Variants in FBLN1 observed in about 807,000 individuals in gnomAD.
The protein encoded by FBLN1 is fibulin-1.
A neutral mutation model predicts 89.7 loss-of-function variants in FBLN1; 34 were observed. The observed-to-expected ratio is 0.38, with a 90% confidence interval of 0.29 to 0.50. The LOEUF (loss-of-function observed/expected upper bound fraction) is 0.50. FBLN1 is among the 20% of genes least tolerant of loss of function. The probability of loss-of-function intolerance (pLI) is 0.92; values close to 1 mark genes in which losing one functional copy is unlikely to be tolerated. For missense variants in FBLN1, 777 were observed against 988.1 expected, an observed-to-expected ratio of 0.79 and a Z score of 2.86; for synonymous variants, 393 against 391.3, an observed-to-expected ratio of 1.00 and a Z score of -0.05.
intron 1 of FBLN1, among the ~76,000 whole-genome samples, chr22:45,509,094 A>G (rs550272242): frequency 6.6e-6 from 1 of 152,260 alleles, no homozygotes; most frequent in Admixed American, 6.5e-5. Context: ...GGGACCCTCC[A>G]GCCTTTGAAG....
In FBLN1 at chr22:45,561,537, T is replaced by C. The variant is rs549584032; in HGVS notation, c.1697+10922T>C. ...TCTAAACAGTTCATGCCAAGGACTA[T>C]CAGTGTTCTCCATACTATTAGAAGT... On this transcript the variant is annotated intron_variant, in intron 14 of 16. Transcript: ENST00000327858. The surrounding 1 kb of genome is among the most constrained non-coding windows in gnomAD (Gnocchi z 4.7). Among the ~76,000 whole-genome samples, 9 of 152,332 alleles carry C rather than the reference T, an allele frequency of 5.9e-5. No individual in the cohort carries two copies. The East Asian group carries it at 1.5e-3, about 26-fold the overall frequency.
rs1180972852 is a variant in FBLN1, at chr22:45,590,088, C to T, written c.1973-10219C>T. ...GGCCAGGTGATGTTGGTAACCCCAGCACCCAGCACTGCAGCCACCCACAGC... is the reference window on the plus strand; with the variant it reads ...GGCCAGGTGATGTTGGTAACCCCAGTACCCAGCACTGCAGCCACCCACAGC... On this transcript the variant is annotated intron_variant, in intron 16 of 16. Coordinates refer to ENST00000327858, the MANE Select transcript of FBLN1 (RefSeq NM_006486.3). The surrounding 1 kb of genome is among the most constrained non-coding windows in gnomAD (Gnocchi z 4.1). Among the ~76,000 whole-genome samples, 1 of 152,246 alleles carries T rather than the reference C, an allele frequency of 6.6e-6. No individual in the cohort carries two copies. Among genetic ancestry groups the T allele is most frequent in the African/African-American group, 2.4e-5 (1 of 41,474 alleles).
intron 14 of FBLN1, chr22:45,565,532 A>G (rs780207539): frequency 3.6e-6 from 1 of 280,554 alleles, no homozygotes; most frequent in Non-Finnish European, 7.0e-6. Flanking sequence ...AGGTGCCTCC[A>G]TCAGAGCATT....
At chr22:45,521,113 G>A (rs560302370) in intron 2 of FBLN1, among the ~76,000 whole-genome samples, 75 of 152,202 alleles carry the variant, frequency 4.9e-4, no homozygotes, top group Non-Finnish European at 9.7e-4. Context: ...ACTGCGCCCG[G>A]CCAATTTTGG....
chr22:45,527,020 T>C (rs2088338187), intron 3 of FBLN1, among the ~76,000 whole-genome samples: 1 of 152,044 alleles, frequency 6.6e-6, no homozygotes, highest in Non-Finnish European at 1.5e-5. Flanking sequence ...CCCCAAAAGA[T>C]GGATGAGGTG....
intron 14 of FBLN1, among the ~76,000 whole-genome samples, chr22:45,554,888 C>T (rs1332161349): frequency 2.0e-5 from 3 of 152,232 alleles, no homozygotes; most frequent in Admixed American, 6.5e-5. Flanking sequence ...TATCCTGTAG[C>T]GGAAGATAAT....
chr22:45,529,525 C>T (rs1005800829), intron 4 of FBLN1, among the ~76,000 whole-genome samples: 3 of 152,062 alleles, frequency 2.0e-5, no homozygotes, highest in Non-Finnish European at 4.4e-5. Flanking sequence ...TAGTTTTCGG[C>T]CTGTTCCCTC....
chr22:45,534,032 C>G (rs922450510), intron 7 of FBLN1, 134 bp downstream of exon 7: 3 of 1,232,414 alleles, frequency 2.4e-6, no homozygotes, highest in African/African-American at 2.9e-5. Flanking sequence ...GCCTGCTCAT[C>G]TGCAGGAGGG....
rs2088494428 is a variant in FBLN1, at chr22:45,537,258, G to A, written c.922+1921G>A. On this transcript the variant is annotated intron_variant, in intron 8 of 16. Transcript: ENST00000327858. The surrounding 1 kb of genome is among the most constrained non-coding windows in gnomAD (Gnocchi z 5.7). ...CGAAATCTGTATTGATCATTTATTT[G>A]AAATAGTGGTTTGGAGAGAGAGCTC... 2.0e-5 allele frequency among the ~76,000 whole-genome samples: 3 copies of A among 152,170 alleles called. No homozygotes were observed.
chr22:45,565,470 T>C (rs1602213730), intron 14 of FBLN1: 2 of 376,612 alleles, frequency 5.3e-6, no homozygotes, highest in East Asian at 1.5e-4. Flanking sequence ...CCTTGCAGAC[T>C]TGGCTCAGAA....
chr22:45,518,654 C>T lies in FBLN1; in HGVS notation c.80-28C>T, dbSNP rs200607673. 2.6e-6 allele frequency: 4 copies of T among 1,557,514 alleles called. No homozygotes were observed. The African/African-American group carries it at 4.1e-5, about 16-fold the overall frequency. On this transcript the variant is annotated intron_variant, in intron 1 of 16. Coordinates refer to ENST00000327858, the MANE Select transcript of FBLN1 (RefSeq NM_006486.3). Reference sequence around the variant, plus strand: ...CTCCACCCGCTGAGTGGTGAGCCACCTCTCAGCTTGTTCTCTTCCCTGCAC... The same window carrying T: ...CTCCACCCGCTGAGTGGTGAGCCACTTCTCAGCTTGTTCTCTTCCCTGCAC...
In FBLN1 at chr22:45,518,676, G is replaced by A. The variant is rs958108642; in HGVS notation, c.80-6G>A. 5 of 1,594,164 alleles carry A rather than the reference G, an allele frequency of 3.1e-6. No homozygotes were observed. Among genetic ancestry groups the A allele is most frequent in the South Asian group, 2.3e-5 (2 of 87,456 alleles). On this transcript the variant is annotated splice_region_variant and splice_polypyrimidine_tract_variant and intron_variant, in intron 1 of 16. Coordinates refer to ENST00000327858, the MANE Select transcript of FBLN1 (RefSeq NM_006486.3). The stretch of plus-strand genomic sequence containing the variant: ...CACCTCTCAGCTTGTTCTCTTCCCT[G>A]CACAGTGGACGCGGATGTCCTCCTG...
rs1261371114 is a variant in FBLN1, at chr22:45,545,205, C to T, written c.1321+1679C>T. On this transcript the variant is annotated intron_variant, in intron 11 of 16. Transcript: ENST00000327858. This position sits in a 1 kb window ranked among gnomAD's most constrained non-coding sequence, Gnocchi z 5.9. The stretch of plus-strand genomic sequence containing the variant: ...GTGTATGGACAAGGAACAAGATTCA[C>T]GAGTTGAGTCTCTCAGGCTTGTGTT... Among the ~76,000 whole-genome samples, 2 of 152,302 alleles carry T rather than the reference C, an allele frequency of 1.3e-5. No homozygotes were observed. Among genetic ancestry groups the T allele is most frequent in the Middle Eastern group, 3.4e-3 (1 of 294 alleles).
intron 9 of FBLN1, 57 bp downstream of exon 9, chr22:45,541,429 C>T (rs564839224): frequency 6.2e-7 from 1 of 1,605,980 alleles, no homozygotes; most frequent in South Asian, 1.1e-5. Flanking sequence ...CCAGCATGCA[C>T]CCTGCCTTCT....
At position 45,530,856 on chromosome 22, in the gene FBLN1, T is replaced by C. The variant is rs2088396598; in HGVS notation, c.485-409T>C. Among the ~76,000 whole-genome samples, 1 of 152,114 alleles carries C rather than the reference T, an allele frequency of 6.6e-6. No homozygotes were observed. The highest frequency in any genetic ancestry group is 1.5e-5 in the Non-Finnish European group (1 of 68,020). On this transcript the variant is annotated intron_variant, in intron 4 of 16. Coordinates refer to ENST00000327858, the MANE Select transcript of FBLN1 (RefSeq NM_006486.3). This position sits in a 1 kb window ranked among gnomAD's most constrained non-coding sequence, Gnocchi z 5.4. The stretch of plus-strand genomic sequence containing the variant: ...TTGACTCACTGCAACCTCCGACTCC[T>C]GAGTTCAAGCGATTATCCTGCCTCA...
Position 45,503,002 on chromosome 22 carries a change from C to G in FBLN1, c.17C>G (p.Pro6Arg), listed in dbSNP as rs1219109362. ...CCGCCGCCCATGGAGCGCGCCGCGC[C>G]GTCGCGCCGGGTCCCGCTTCCGCTG... is the stretch of plus-strand genomic sequence containing the variant. Reference protein sequence around the residue: MERAAPSRRVPLPLLL... With the variant: MERAARSRRVPLPLLL... Residue 6 changes from proline (P) to arginine (R), a missense_variant, in exon 1 of 17, where the codon CCG becomes CGG. Pro to Arg is a moderately radical substitution (Grantham distance 103). Coordinates refer to ENST00000327858, the MANE Select transcript of FBLN1 (RefSeq NM_006486.3). 8.1e-7 allele frequency: 1 copy of G among 1,231,066 alleles called. No individual in the cohort carries two copies. Among genetic ancestry groups the G allele is most frequent in the South Asian group, 3.4e-5 (1 of 29,592 alleles). 76.3% of individuals were successfully genotyped at this position (1,231,066 alleles called of 1,614,324 possible).
chr22:45,562,877 C>T lies in FBLN1; in HGVS notation c.1698-11634C>T. The T allele has an allele frequency of 6.2e-7, 1 of 1,603,092 alleles. No homozygotes were observed. Among genetic ancestry groups the T allele is most frequent in the Non-Finnish European group, 8.5e-7 (1 of 1,173,384 alleles). On this transcript the variant is annotated intron_variant, in intron 14 of 16. Coordinates refer to ENST00000327858, the MANE Select transcript of FBLN1 (RefSeq NM_006486.3). This position sits in a 1 kb window ranked among gnomAD's most constrained non-coding sequence, Gnocchi z 7.8. ...TCTCCGCTTGCTGGACCGGCCCTAA[C>T]CCTCTTCTTGTCTCTCTGCCCACTT...
chr22:45,542,072 T>G lies in FBLN1; in HGVS notation c.1067-83T>G, dbSNP rs566576930. ...CCTGTTTCCATGTCCATGTGTTCCT[T>G]TCTTGCTTTCCTTTCTGATCATCTT... On this transcript the variant is annotated intron_variant, in intron 9 of 16. Transcript: ENST00000327858. 2.1e-5 allele frequency: 34 copies of G among 1,601,100 alleles called. No individual in the cohort carries two copies. In the African/African-American group the frequency reaches 3.7e-4, roughly 18 times the overall value.
intron 2 of FBLN1, among the ~76,000 whole-genome samples, chr22:45,525,048 C>T (rs547222173): frequency 4.6e-5 from 7 of 151,820 alleles, no homozygotes; most frequent in Middle Eastern, 3.4e-3. Context: ...CACACTACTA[C>T]ACTCCAGCCT....
Sources: gnomAD v4.1 joint callset for allele counts (sites outside exome capture counted in the v4.1 genomes callset) on GRCh38, gnomAD v4.1.1 for gene constraint, Gnocchi (gnomAD v3.1) non-coding constraint, MANE v1.5 for transcripts, NCBI Gene and HGNC (gene_info 2026-07-23, HGNC 2026-07-21) for gene names.